Variants in KCNN2 observed in about 807,000 individuals in gnomAD.
KCNN2 encodes potassium calcium-activated channel subfamily N member 2, also known as small conductance calcium-activated potassium channel protein 2.
Under a neutral mutation model 55.5 loss-of-function variants are expected in KCNN2, and 24 were observed. The observed-to-expected ratio is 0.43, with a 90% CI of 0.31 to 0.61. The LOEUF (loss-of-function observed/expected upper bound fraction) is 0.61. Ranked by LOEUF, KCNN2 falls within the 20% of genes least tolerant of loss-of-function variation. The pLI, the probability that KCNN2 is intolerant of heterozygous loss-of-function variation, is 0.08. For synonymous variants in KCNN2, 431 were observed against 336.1 expected, an observed-to-expected ratio of 1.28 and a Z score of -3.09; for missense variants, 754 against 853.6, an observed-to-expected ratio of 0.88 and a Z score of 1.45.
chr5:114,115,884 A>G (rs968484577), intron 1 of KCNN2, among the ~76,000 whole-genome samples: 2 of 152,064 alleles, frequency 1.3e-5, no homozygotes, highest in Admixed American at 6.6e-5. Flanking sequence ...ACATACATAT[A>G]TGTTGGCAGG....
chr5:114,143,561 G>A (rs951163763), intron 1 of KCNN2, among the ~76,000 whole-genome samples: 11 of 152,072 alleles, frequency 7.2e-5, no homozygotes, highest in African/African-American at 2.7e-4. Flanking sequence ...TCCATTTATA[G>A]GCTCTCCACA....
chr5:114,168,089 G>A (rs1752953274), intron 1 of KCNN2, among the ~76,000 whole-genome samples: 2 of 150,326 alleles, frequency 1.3e-5, no homozygotes, highest in South Asian at 4.2e-4. Context: ...CTTTTGTGTT[G>A]TTTCTAGTTT....
chr5:114,438,178 G>C (rs1760076400), intron 3 of KCNN2, among the ~76,000 whole-genome samples: 1 of 152,184 alleles, frequency 6.6e-6, no homozygotes, highest in Non-Finnish European at 1.5e-5. Context: ...TCTGAGCGTA[G>C]TGATTCCAGT....
At chr5:114,179,660 C>G (rs1297356427) in intron 1 of KCNN2, among the ~76,000 whole-genome samples, 3 of 151,576 alleles carry the variant, frequency 2.0e-5, no homozygotes, top group African/African-American at 7.3e-5. Context: ...TTTTCTAAAG[C>G]TTTCTTTGGT....
At chr5:114,309,489 G>A (rs1756355648) in intron 2 of KCNN2, among the ~76,000 whole-genome samples, 1 of 152,146 alleles carries the variant, frequency 6.6e-6, no homozygotes, top group Non-Finnish European at 1.5e-5. Context: ...TGAGTTTAAT[G>A]TATTTTCCTC....
intron 2 of KCNN2, among the ~76,000 whole-genome samples, chr5:114,377,318 C>A (rs1262059987): frequency 6.6e-6 from 1 of 152,138 alleles, no homozygotes; most frequent in Admixed American, 6.6e-5. Flanking sequence ...GCCTCTGATC[C>A]TAAGGGACAT....
At chr5:114,098,987 A>G (rs1178352407) in intron 1 of KCNN2, among the ~76,000 whole-genome samples, 2 of 152,160 alleles carry the variant, frequency 1.3e-5, no homozygotes, top group African/African-American at 4.8e-5. Context: ...CAGCTATAAA[A>G]TTTGTATAAC....
At chr5:114,070,309 T>C (rs1750541833) in intron 1 of KCNN2, among the ~76,000 whole-genome samples, 1 of 152,252 alleles carries the variant, frequency 6.6e-6, no homozygotes, top group Non-Finnish European at 1.5e-5. Context: ...CCCCTGCTGC[T>C]CCCCAGCATT....
chr5:114,487,937 A>G (rs947758149), intron 6 of KCNN2, among the ~76,000 whole-genome samples: 1 of 152,176 alleles, frequency 6.6e-6, no homozygotes, highest in African/African-American at 2.4e-5. Context: ...TATGAAACCT[A>G]CGAGGGTAGT....
At chr5:114,265,495 T>C (rs1755192599) in intron 2 of KCNN2, among the ~76,000 whole-genome samples, 1 of 152,054 alleles carries the variant, frequency 6.6e-6, no homozygotes, top group South Asian at 2.1e-4. Flanking sequence ...AGGTGACAGA[T>C]TCAAGACCCA....
intron 2 of KCNN2, among the ~76,000 whole-genome samples, chr5:114,373,378 A>G (rs1757823533): frequency 6.6e-6 from 1 of 151,664 alleles, no homozygotes; most frequent in African/African-American, 2.4e-5. Context: ...AATACTCCCA[A>G]TTGTTTTCAT....
intron 3 of KCNN2, among the ~76,000 whole-genome samples, chr5:114,460,920 T>C (rs771505416): frequency 2.6e-5 from 4 of 152,158 alleles, no homozygotes; most frequent in Non-Finnish European, 2.9e-5. Flanking sequence ...GGAAATGAAC[T>C]CTTTTGCCTC....
chr5:114,313,974 A>G (rs1015678458), intron 2 of KCNN2, among the ~76,000 whole-genome samples: 1 of 152,130 alleles, frequency 6.6e-6, no homozygotes, highest in African/African-American at 2.4e-5. Flanking sequence ...CCAAATAACT[A>G]CTTAATCAAC....
rs1757462114 is a variant in KCNN2 at position 114,362,559 on chromosome 5, G to A, written c.420G>A (p.Arg140=). The A allele has an allele frequency of 1.1e-5, 7 of 616,264 alleles. No homozygotes were observed. Among genetic ancestry groups the A allele is most frequent in the South Asian group, 2.3e-5 (1 of 42,946 alleles). 38.2% of individuals were successfully genotyped at this position (616,264 alleles called of 1,614,324 possible). ...LTPSSHASAL[R]QQYAQQSAQQ... ...CGTCCAGCCATGCCAGTGCGCTCCG[G>A]CAGCAGTACGCGCAGCAGTCCGCGC... Residue 140 remains arginine (R), a synonymous_variant, in exon 1 of 8, where the codon CGG becomes CGA. Coordinates refer to ENST00000673685, the MANE Select transcript of KCNN2 (RefSeq NM_021614.4).
At chr5:114,067,061 C>T (rs1246941819) in intron 1 of KCNN2, among the ~76,000 whole-genome samples, 4 of 152,192 alleles carry the variant, frequency 2.6e-5, no homozygotes, top group Non-Finnish European at 5.9e-5. Context: ...ATTTTCCCCA[C>T]TTAGGTAAAC....
intron 3 of KCNN2, among the ~76,000 whole-genome samples, chr5:114,459,766 C>T (rs1036126115): frequency 1.3e-5 from 2 of 152,160 alleles, no homozygotes; most frequent in African/African-American, 4.8e-5. Flanking sequence ...AAAATGCCAA[C>T]TCCTAGAAAG....
intron 1 of KCNN2, among the ~76,000 whole-genome samples, chr5:114,201,735 G>A (rs1422311424): frequency 1.3e-5 from 2 of 152,026 alleles, no homozygotes; most frequent in Admixed American, 1.3e-4. Flanking sequence ...TGGCCAAGAA[G>A]CTGTGGGGAG....
intron 1 of KCNN2, among the ~76,000 whole-genome samples, chr5:114,081,213 T>A (rs1750810480): frequency 6.6e-6 from 1 of 152,180 alleles, no homozygotes; most frequent in Admixed American, 6.5e-5. Flanking sequence ...ATGTCAGGTC[T>A]ACCCCCCAAA....
intron 2 of KCNN2, among the ~76,000 whole-genome samples, chr5:114,322,390 A>G (rs1241856262): frequency 3.3e-5 from 5 of 152,248 alleles, no homozygotes; most frequent in Non-Finnish European, 7.3e-5. Flanking sequence ...AAGTCTACTT[A>G]GAAGGTAAAT....
Sources: allele counts gnomAD v4.1 joint callset (sites outside exome capture counted in the v4.1 genomes callset), GRCh38; gene constraint gnomAD v4.1.1; transcripts MANE v1.5; gene names NCBI Gene and HGNC (gene_info 2026-07-23, HGNC 2026-07-21).